Variants in AKAP17A observed in about 807,000 individuals in gnomAD.
AKAP17A encodes A-kinase anchor protein 17A.
AKAP17A carries 15 observed loss-of-function variants against 52.2 expected under a neutral mutation model. That is an observed-to-expected ratio of 0.29 (90% CI 0.19 to 0.44). The LOEUF (loss-of-function observed/expected upper bound fraction) is 0.44, where lower values mean the gene tolerates loss of function less well. Ranked by LOEUF, AKAP17A falls within the 20% of genes least tolerant of loss-of-function variation. The probability of loss-of-function intolerance (pLI) is 1.00; values close to 1 mark genes in which losing one functional copy is unlikely to be tolerated. For synonymous variants in AKAP17A, 514 were observed against 424.7 expected, an observed-to-expected ratio of 1.21 and a Z score of -2.58; for missense variants, 1,060 against 1,007.0, an observed-to-expected ratio of 1.05 and a Z score of -0.71.
chrX:1,595,281 A>T, intron 2 of AKAP17A, 103 bp from the exon 3 acceptor site: 1 of 1,511,920 alleles, frequency 6.6e-7, no homozygotes, highest in Non-Finnish European at 9.0e-7. Flanking sequence ...GCGGGCGCTC[A>T]GGCTCTGAGG....
rs1161753417 is a variant in AKAP17A, at chrX:1,602,101, G to T, written c.*507G>T. 6.4e-6 allele frequency: 1 copy of T among 155,338 alleles called. No individual in the cohort carries two copies. The highest frequency in any genetic ancestry group is 2.4e-5 in the African/African-American group (1 of 41,578). The allele number at this position is 155,338 out of a possible 1,614,324, so 9.6% of individuals were successfully genotyped here. On this transcript the variant is annotated 3_prime_UTR_variant, in exon 5 of 5. Coordinates refer to ENST00000313871, the MANE Select transcript of AKAP17A (RefSeq NM_005088.3). ...AGTTTGGGTGGGATGCCGAATCGTCGTGCTGACATTGAGTCACGGATGAGG... is the reference window on the plus strand; with the variant it reads ...AGTTTGGGTGGGATGCCGAATCGTCTTGCTGACATTGAGTCACGGATGAGG...
At chrX:1,599,088 G>C (rs1292056461) in intron 3 of AKAP17A, 104 bp from the exon 4 acceptor site, 1 of 1,513,670 alleles carries the variant, frequency 6.6e-7, no homozygotes, top group African/African-American at 1.4e-5. Flanking sequence ...ATGCTTAATC[G>C]TTGGACCGTG....
chrX:1,600,260 G>A (rs1305533083), intron 4 of AKAP17A: 23 of 1,217,898 alleles, frequency 1.9e-5, no homozygotes, highest in African/African-American at 1.2e-4. Context: ...CCGCAGCTAC[G>A]GCGGTGGCAT....
At chrX:1,593,370 G>C in intron 1 of AKAP17A, 74 bp from the exon 2 acceptor site, 1 of 1,468,892 alleles carries the variant, frequency 6.8e-7, no homozygotes, top group Non-Finnish European at 9.3e-7. Flanking sequence ...GAAAGTGCCT[G>C]CTGGCTTGGC....
chrX:1,600,579 A>G (rs1933304788), intron 4 of AKAP17A, 80 bp from the exon 5 acceptor site: 9 of 1,378,282 alleles, frequency 6.5e-6, no homozygotes, highest in Non-Finnish European at 8.7e-6. Context: ...TGGGGCCTCC[A>G]AACACCTTCC....
At chrX:1,599,131 A>C in intron 3 of AKAP17A, 61 bp from the exon 4 acceptor site, 1 of 1,581,338 alleles carries the variant, frequency 6.3e-7, no homozygotes, top group Non-Finnish European at 8.6e-7. Context: ...AGCCGCTTGT[A>C]TGGTGTGTGG....
At chrX:1,600,594 T>C in intron 4 of AKAP17A, 65 bp from the exon 5 acceptor site, 2 of 1,425,712 alleles carry the variant, frequency 1.4e-6, no homozygotes, top group Non-Finnish European at 1.9e-6. Flanking sequence ...CCTTCCCAGC[T>C]CCTGTCCCAC....
rs1933414635 is a variant in AKAP17A, at chrX:1,602,017, A to G, written c.*423A>G. 1 of 179,014 alleles carries G rather than the reference A, an allele frequency of 5.6e-6. No individual in the cohort carries two copies. Among genetic ancestry groups the G allele is most frequent in the Non-Finnish European group, 1.2e-5 (1 of 86,322 alleles). 11.1% of individuals were successfully genotyped at this position (179,014 alleles called of 1,614,324 possible). On this transcript the variant is annotated 3_prime_UTR_variant, in exon 5 of 5. Transcript: ENST00000313871. Reference sequence around the variant, plus strand: ...CATAGTCACACTGGCACTGAAAAGAAAGCGTTGCCCTGGTGATTCTTTCCC... The same window carrying G: ...CATAGTCACACTGGCACTGAAAAGAGAGCGTTGCCCTGGTGATTCTTTCCC...
rs764157682 is a variant in AKAP17A, at chrX:1,594,068, C to A, written c.606C>A (p.Arg202=). 1 of 1,613,512 alleles carries A rather than the reference C, an allele frequency of 6.2e-7. No homozygotes were observed. Among genetic ancestry groups the A allele is most frequent in the Admixed American group, 1.7e-5 (1 of 59,936 alleles). ...CCTACCGGGAGGAGATGACGGGCCG[C>A]AACTTCCACACCTTCAGTTTCGGGG... ...LDPYREEMTG[R]NFHTFSFGGH... is the part of the protein sequence containing the mutation. The change falls in exon 2 of 5, where the codon CGC becomes CGA. Residue 202 remains arginine (R), a synonymous_variant. Coordinates refer to ENST00000313871, the MANE Select transcript of AKAP17A (RefSeq NM_005088.3).
intron 2 of AKAP17A, among the ~76,000 whole-genome samples, chrX:1,594,537 C>T (rs1233032175): frequency 6.6e-6 from 1 of 152,176 alleles, no homozygotes; most frequent in Non-Finnish European, 1.5e-5. Context: ...CAAGAGAACC[C>T]GGCCTTCCCA....
chrX:1,600,888 C>T lies in AKAP17A; in HGVS notation c.1382C>T (p.Ala461Val). Residue 461 changes from alanine to valine, a missense_variant, in exon 5 of 5, where the codon GCC becomes GTC. Coordinates refer to ENST00000313871, the MANE Select transcript of AKAP17A (RefSeq NM_005088.3). Reference protein sequence around the residue: ...HTHDELGVAHADLLQPVLDIL... With the variant: ...HTHDELGVAHVDLLQPVLDIL... The stretch of plus-strand genomic sequence containing the variant: ...CACGACGAGCTGGGCGTGGCACACG[C>T]CGACCTGCTGCAGCCCGTCCTGGAC... 6.3e-7 allele frequency: 1 copy of T among 1,579,032 alleles called. No homozygotes were observed. Among genetic ancestry groups the T allele is most frequent in the Non-Finnish European group, 8.6e-7 (1 of 1,166,780 alleles).
Position 1,600,717 on chromosome X carries a change from A to G in AKAP17A, c.1211A>G (p.Glu404Gly). 6.5e-7 allele frequency: 1 copy of G among 1,547,524 alleles called. No homozygotes were observed. ...GAGAAGCTGAGGCTCCAGCAGCAGG[A>G]GGAGCGGCGGCGGCTGCAGGAGGCC... ...KEEKLRLQQQEERRRLQEAEL... is the reference protein window; with the variant it reads ...KEEKLRLQQQGERRRLQEAEL... The change falls in exon 5 of 5, where the codon GAG becomes GGG. Residue 404 changes from glutamate (E) to glycine (G), a missense_variant. Coordinates refer to ENST00000313871, the MANE Select transcript of AKAP17A (RefSeq NM_005088.3).
In AKAP17A at chrX:1,595,489, C is replaced by T; in HGVS notation, c.868C>T (p.Arg290Cys). The T allele has an allele frequency of 8.7e-6, 14 of 1,613,922 alleles. No homozygotes were observed. The highest frequency in any genetic ancestry group is 1.1e-5 in the South Asian group (1 of 91,072). Residue 290 changes from arginine to cysteine, a missense_variant, in exon 3 of 5, where the codon CGC becomes TGC. Arg to Cys is a radical substitution (Grantham distance 180). This residue lies in a region of AKAP17A where 793 missense variants were observed against 629.9 expected (regional missense o/e 1.26). Coordinates refer to ENST00000313871, the MANE Select transcript of AKAP17A (RefSeq NM_005088.3). ...GGAGCAGCAAAGAGAAGAACAAAAG[C>T]GCAGAGAGAAGGAAGCGGAGGAGAG... ...ELEQQREEQK[R>C]REKEAEERQR...
At chrX:1,594,607 T>A (rs755345228) in intron 2 of AKAP17A, among the ~76,000 whole-genome samples, 37 of 152,118 alleles carry the variant, frequency 2.4e-4, no homozygotes, top group African/African-American at 7.9e-4. Flanking sequence ...TTTTTATTTT[T>A]TTTATTTTTT....
chrX:1,599,640 T>C (rs1933242337), intron 4 of AKAP17A: 2 of 793,704 alleles, frequency 2.5e-6, no homozygotes, highest in Admixed American at 2.3e-5. Context: ...CTGTGACGGT[T>C]TCCTTTTGCA....
rs748240202 is a variant in AKAP17A at position 1,593,921 on chromosome X, G to T, written c.459G>T (p.Gly153=). ...GGCCGGACACCATCCACCTGGAGGG[G>T]CTGCCCTGCAAGTGGTTCGCCCTGA... ...GERPDTIHLE[G]LPCKWFALKE... is the part of the protein sequence containing the mutation. Residue 153 remains glycine (G), a synonymous_variant, in exon 2 of 5, where the codon GGG becomes GGT. Coordinates refer to ENST00000313871, the MANE Select transcript of AKAP17A (RefSeq NM_005088.3). 2 of 1,611,272 alleles carry T rather than the reference G, an allele frequency of 1.2e-6. No individual in the cohort carries two copies. The highest frequency in any genetic ancestry group is 4.5e-5 in the East Asian group (2 of 44,832).
chrX:1,593,882 C>T lies in AKAP17A; in HGVS notation c.420C>T (p.Thr140=). 6.2e-7 allele frequency: 1 copy of T among 1,612,456 alleles called. No homozygotes were observed. The highest frequency in any genetic ancestry group is 8.5e-7 in the Non-Finnish European group (1 of 1,179,020). The change falls in exon 2 of 5, where the codon ACC becomes ACT. Residue 140 remains threonine, a synonymous_variant. Transcript: ENST00000313871. ...GCGACGCCAAGGACATGAACGAGAC[C>T]CTGCCGGGGGAGCGGCCGGACACCA... The part of the protein sequence containing the change: ...FFRDAKDMNE[T]LPGERPDTIH...
chrX:1,599,535 G>T (rs756911817), intron 4 of AKAP17A, 103 bp downstream of exon 4: 2 of 1,490,834 alleles, frequency 1.3e-6, no homozygotes, highest in Non-Finnish European at 1.8e-6. Context: ...CCCGCCGGCT[G>T]CAGCTGTAGC....
intron 3 of AKAP17A, 38 bp downstream of exon 3, chrX:1,595,570 C>T (rs371405516): frequency 3.4e-4 from 549 of 1,612,090 alleles, no homozygotes; most frequent in Non-Finnish European, 4.4e-4. Context: ...CGCTGGTGTC[C>T]GGCACCTGGG....
Sources: allele counts gnomAD v4.1 joint callset (sites outside exome capture counted in the v4.1 genomes callset), GRCh38; gene constraint gnomAD v4.1.1; regional missense constraint gnomAD v4.1.1; transcripts MANE v1.5; gene names NCBI Gene and HGNC (gene_info 2026-07-23, HGNC 2026-07-21).